Variants in ATG4C observed in about 807,000 individuals in gnomAD.
The protein encoded by ATG4C is cysteine protease ATG4C.
In ATG4C, 56 loss-of-function variants were observed where a neutral mutation model predicts 57.6. That is an observed-to-expected ratio of 0.97 (90% CI 0.78 to 1.21). ATG4C has a LOEUF of 1.21. Ranked by LOEUF, ATG4C falls within the 50% of genes most tolerant of loss-of-function variation. The pLI is 0.00. For missense variants in ATG4C, 595 were observed against 529.8 expected (o/e 1.12, Z -1.21); for synonymous variants, 157 against 174.1 (o/e 0.90, Z 0.78).
intron 3 of ATG4C, among the ~76,000 whole-genome samples, chr1:62,813,376 C>T (rs1045323121): frequency 7.2e-5 from 11 of 152,130 alleles, no homozygotes; most frequent in Admixed American, 1.3e-4. Flanking sequence ...ATAAATGGTG[C>T]TGGGAAAACT....
intron 9 of ATG4C, chr1:62,835,671 A>G (rs1443957563): frequency 6.4e-6 from 1 of 155,682 alleles, no homozygotes; most frequent in Non-Finnish European, 1.4e-5. Flanking sequence ...GATAAACCAC[A>G]AGGTTAAAAT....
chr1:62,786,998 G>A (rs1664111417), intron 1 of ATG4C, among the ~76,000 whole-genome samples: 1 of 152,072 alleles, frequency 6.6e-6, no homozygotes, highest in East Asian at 1.9e-4. Context: ...GATTAGATAT[G>A]GAAGGTGAGG....
chr1:62,801,358 T>C (rs974870136), intron 1 of ATG4C, among the ~76,000 whole-genome samples: 1 of 152,230 alleles, frequency 6.6e-6, no homozygotes, highest in Non-Finnish European at 1.5e-5. Context: ...GCCTAGTTGA[T>C]TGACATCCCG....
chr1:62,854,495 T>G (rs6676821), intron 10 of ATG4C, among the ~76,000 whole-genome samples: 58,002 of 151,784 alleles, frequency 0.38, 11,874 homozygotes, highest in East Asian at 0.67. Context: ...GCCAGGATGG[T>G]CTCGATCTCC....
chr1:62,803,316 T>G (rs2100295107), intron 1 of ATG4C, among the ~76,000 whole-genome samples: 1 of 152,318 alleles, frequency 6.6e-6, no homozygotes, highest in South Asian at 2.1e-4. Context: ...TCAAGATTTT[T>G]TATAAGATTT....
intron 8 of ATG4C, among the ~76,000 whole-genome samples, chr1:62,834,557 A>G (rs903128791): frequency 1.3e-5 from 2 of 152,070 alleles, no homozygotes; most frequent in Non-Finnish European, 2.9e-5. Flanking sequence ...AAATTAAATG[A>G]CAGTCTCATC....
intron 9 of ATG4C, among the ~76,000 whole-genome samples, chr1:62,837,986 A>C (rs1336465683): frequency 6.6e-6 from 1 of 152,144 alleles, no homozygotes; most frequent in Non-Finnish European, 1.5e-5. Context: ...TACTAAGGGT[A>C]TTTTCTAATT....
At chr1:62,857,430 G>A (rs1343031812) in intron 10 of ATG4C, among the ~76,000 whole-genome samples, 1 of 152,158 alleles carries the variant, frequency 6.6e-6, no homozygotes, top group Non-Finnish European at 1.5e-5. Context: ...CTAGTTGCAG[G>A]AAAACAAGCT....
At chr1:62,839,898 C>A (rs1557985843) in intron 9 of ATG4C, among the ~76,000 whole-genome samples, 1 of 148,938 alleles carries the variant, frequency 6.7e-6, no homozygotes, top group Non-Finnish European at 1.5e-5. Context: ...TGCAGTTGAA[C>A]TTTTCATTGG....
chr1:62,827,043 G>GC (rs1184636856), intron 6 of ATG4C, among the ~76,000 whole-genome samples: 3 of 152,098 alleles, frequency 2.0e-5, no homozygotes, highest in South Asian at 4.1e-4. Flanking sequence ...AGGCAGAGCA[G>GC]CCCCTTGCCT....
At chr1:62,861,721 A>G (rs1666865397) in intron 10 of ATG4C, among the ~76,000 whole-genome samples, 1 of 152,116 alleles carries the variant, frequency 6.6e-6, no homozygotes, top group Non-Finnish European at 1.5e-5. Context: ...TATATTTGAA[A>G]TTATTTTAAC....
intron 9 of ATG4C, among the ~76,000 whole-genome samples, chr1:62,838,139 G>A (rs1314851987): frequency 6.6e-6 from 1 of 152,138 alleles, no homozygotes; most frequent in Non-Finnish European, 1.5e-5. Flanking sequence ...CTGTCATTTT[G>A]TAGGTGCCTA....
intron 1 of ATG4C, among the ~76,000 whole-genome samples, chr1:62,801,313 C>CCTCTCCTTTGAGCTCCAGAT (rs1664653931): frequency 6.6e-6 from 1 of 152,216 alleles, no homozygotes; most frequent in Non-Finnish European, 1.5e-5. Flanking sequence ...CTAGCCCAGA[C>CCTCTCCTTTGAGCTCCAGAT]CTCTCCTTTG....
chr1:62,789,718 G>A (rs1664207367), intron 1 of ATG4C, among the ~76,000 whole-genome samples: 1 of 152,126 alleles, frequency 6.6e-6, no homozygotes, highest in Non-Finnish European at 1.5e-5. Flanking sequence ...TAGGGAGGCT[G>A]AGGCAGGAGA....
At chr1:62,818,287 A>G (rs1303400925) in intron 4 of ATG4C, among the ~76,000 whole-genome samples, 1 of 152,172 alleles carries the variant, frequency 6.6e-6, no homozygotes, top group Non-Finnish European at 1.5e-5. Context: ...TAAAACTTCC[A>G]TGGTCAGACT....
At chr1:62,787,819 T>C (rs917583771) in intron 1 of ATG4C, among the ~76,000 whole-genome samples, 4 of 152,106 alleles carry the variant, frequency 2.6e-5, no homozygotes, top group African/African-American at 9.7e-5. Flanking sequence ...CATAGGTTAA[T>C]AAAATACTTG....
chr1:62,789,609 C>T (rs1475263076), intron 1 of ATG4C, among the ~76,000 whole-genome samples: 1 of 151,502 alleles, frequency 6.6e-6, no homozygotes, highest in Non-Finnish European at 1.5e-5. Flanking sequence ...GTCAGGAGAT[C>T]GGGACCATCC....
chr1:62,840,553 T>C (rs946329292), intron 9 of ATG4C, among the ~76,000 whole-genome samples: 2 of 152,214 alleles, frequency 1.3e-5, no homozygotes, highest in Admixed American at 1.3e-4. Flanking sequence ...GGCTAAGCAT[T>C]TAAGCATTAA....
intron 3 of ATG4C, among the ~76,000 whole-genome samples, chr1:62,810,647 G>A (rs114454985): frequency 0.012 from 1,804 of 150,848 alleles, 35 homozygotes; most frequent in Non-Finnish European, 0.011. Flanking sequence ...CAAACCACGT[G>A]TTCAGACCCA....
Sources: allele counts gnomAD v4.1 joint callset (sites outside exome capture counted in the v4.1 genomes callset), GRCh38; gene constraint gnomAD v4.1.1; transcripts MANE v1.5; gene names NCBI Gene and HGNC (gene_info 2026-07-23, HGNC 2026-07-21).